Variants in ADD3 observed in about 807,000 individuals in gnomAD.
ADD3 encodes the protein adducin 3.
ADD3 carries 25 observed loss-of-function variants against 80.2 expected under a neutral mutation model. The observed-to-expected ratio is 0.31, with a 90% confidence interval of 0.23 to 0.44. The LOEUF (loss-of-function observed/expected upper bound fraction) is 0.44, where lower values mean the gene tolerates loss of function less well. Ranked by LOEUF, ADD3 falls within the 20% of genes least tolerant of loss-of-function variation. The pLI is 1.00. For missense variants in ADD3, 829 were observed against 847.5 expected (o/e 0.98, Z 0.27); for synonymous variants, 284 against 289.6 (o/e 0.98, Z 0.20).
At chr10:110,059,866 G>A (rs1858674616) in intron 1 of ADD3, among the ~76,000 whole-genome samples, 1 of 152,206 alleles carries the variant, frequency 6.6e-6, no homozygotes, top group African/African-American at 2.4e-5. Flanking sequence ...TGTTTATTCT[G>A]AAGAGTACAA....
intron 1 of ADD3, among the ~76,000 whole-genome samples, chr10:110,052,528 C>T (rs1466740061): frequency 6.6e-6 from 1 of 152,228 alleles, no homozygotes; most frequent in Non-Finnish European, 1.5e-5. Flanking sequence ...ATCAGAGCCA[C>T]AGTTCCATTG....
intron 5 of ADD3, among the ~76,000 whole-genome samples, chr10:110,118,077 G>A (rs527713746): frequency 1.5e-5 from 2 of 132,010 alleles, no homozygotes; most frequent in African/African-American, 5.5e-5. Flanking sequence ...CACACACAAT[G>A]TTCATAGCTA....
At chr10:110,127,948 G>A (rs1852387291) in intron 12 of ADD3, among the ~76,000 whole-genome samples, 1 of 151,234 alleles carries the variant, frequency 6.6e-6, no homozygotes, top group Non-Finnish European at 1.5e-5. Flanking sequence ...ATATAGAATA[G>A]TTTAGAAATA....
intron 1 of ADD3, among the ~76,000 whole-genome samples, chr10:110,040,176 A>G (rs547288631): frequency 2.0e-5 from 3 of 150,442 alleles, no homozygotes; most frequent in South Asian, 2.1e-4. Context: ...TAGGAAAGTT[A>G]TTATTATTTT....
chr10:109,998,251 G>T (rs974881522), intron 1 of ADD3, among the ~76,000 whole-genome samples: 1 of 152,114 alleles, frequency 6.6e-6, no homozygotes, highest in Admixed American at 6.5e-5. Context: ...CTCAGGTAAT[G>T]GTACTACCAT....
intron 1 of ADD3, chr10:110,079,443 AGAGAGAGAGAGAGAGAGAGT>A (rs1213570317): frequency 2.9e-4 from 37 of 129,800 alleles, no homozygotes; most frequent in African/African-American, 1.2e-3. Flanking sequence ...AGAGAGAGAG[AGAGAGAGAGAGAGAGAGAGT>A]GTGTGTGTGT....
At chr10:109,998,532 ATGCAAATGAGACTGTAGCCTTCCTT>A (rs952661385) in intron 1 of ADD3, among the ~76,000 whole-genome samples, 3 of 152,132 alleles carry the variant, frequency 2.0e-5, no homozygotes, top group African/African-American at 7.2e-5. Flanking sequence ...AATTCCAAAA[ATGCAAATGAGACTGTAGCCTTCCTT>A]TGCTTAAAAC....
intron 2 of ADD3, among the ~76,000 whole-genome samples, chr10:110,110,242 T>C (rs1199293942): frequency 2.6e-5 from 4 of 152,218 alleles, no homozygotes; most frequent in Admixed American, 6.5e-5. Context: ...TCCAGAACTT[T>C]AGTGACTTAC....
chr10:110,116,545 C>T (rs1850752268), intron 4 of ADD3, 135 bp downstream of exon 4: 2 of 844,802 alleles, frequency 2.4e-6, no homozygotes, highest in East Asian at 2.7e-5. Flanking sequence ...CAACCAAATA[C>T]TGATTTAAAC....
chr10:110,121,765 A>G (rs1293175870), intron 8 of ADD3: 1 of 167,132 alleles, frequency 6.0e-6, no homozygotes, highest in African/African-American at 2.4e-5. Context: ...CCTTAAAATT[A>G]TAGCTTTTAG....
In ADD3 at chr10:110,119,193, A is replaced by G; in HGVS notation, c.718-18A>G. On this transcript the variant is annotated intron_variant, in intron 6 of 14. Coordinates refer to ENST00000356080, the MANE Select transcript of ADD3 (RefSeq NM_016824.5). Reference sequence around the variant, plus strand: ...TAGTAACCAAATGTGTTATCTTGGTATGGGCCAAACCAAATAGGTATCCTC... The same window carrying G: ...TAGTAACCAAATGTGTTATCTTGGTGTGGGCCAAACCAAATAGGTATCCTC... 2 of 1,613,174 alleles carry G rather than the reference A, an allele frequency of 1.2e-6. No individual in the cohort carries two copies. Among genetic ancestry groups the G allele is most frequent in the South Asian group, 2.2e-5 (2 of 90,938 alleles).
intron 5 of ADD3, among the ~76,000 whole-genome samples, 190 bp downstream of exon 5, chr10:110,117,612 T>C (rs1177603675): frequency 6.6e-6 from 1 of 151,868 alleles, no homozygotes; most frequent in Non-Finnish European, 1.5e-5. Flanking sequence ...AAGAGACTAA[T>C]AAATGAGTTG....
intron 2 of ADD3, among the ~76,000 whole-genome samples, chr10:110,101,413 C>G (rs1046513209): frequency 1.3e-5 from 2 of 152,118 alleles, no homozygotes; most frequent in African/African-American, 4.8e-5. Flanking sequence ...GCAGGAGGCT[C>G]ACTTGAGCAC....
chr10:110,121,132 A>G (rs1312101489), intron 8 of ADD3, among the ~76,000 whole-genome samples: 1 of 152,062 alleles, frequency 6.6e-6, no homozygotes, highest in East Asian at 1.9e-4. Flanking sequence ...ATGGCAACAA[A>G]AGACAAAATT....
chr10:110,052,108 T>G (rs748235404), intron 1 of ADD3, among the ~76,000 whole-genome samples: 10 of 152,206 alleles, frequency 6.6e-5, no homozygotes, highest in Non-Finnish European at 1.3e-4. Context: ...CCAGTTTGGC[T>G]TTTTCTGTAC....
chr10:110,062,791 AC>A (rs1859092632), intron 1 of ADD3, among the ~76,000 whole-genome samples: 2 of 152,202 alleles, frequency 1.3e-5, no homozygotes, highest in Non-Finnish European at 2.9e-5. Context: ...ATCACACTCT[AC>A]CAGATTCTTA....
chr10:110,084,784 G>C (rs1322529332), intron 1 of ADD3, among the ~76,000 whole-genome samples: 6 of 152,118 alleles, frequency 3.9e-5, no homozygotes, highest in African/African-American at 1.4e-4. Flanking sequence ...TATTTACAAA[G>C]CAATGTTGTT....
chr10:110,098,286 C>T (rs1590109394), intron 1 of ADD3, among the ~76,000 whole-genome samples: 1 of 152,074 alleles, frequency 6.6e-6, no homozygotes, highest in Middle Eastern at 3.2e-3. Flanking sequence ...GGCTAAGGGA[C>T]TGGATAGAAA....
chr10:110,126,461 A>G lies in ADD3; in HGVS notation c.1566A>G (p.Gln522=), dbSNP rs372957023. Residue 522 remains glutamine, a synonymous_variant, in exon 12 of 15, where the codon CAA becomes CAG. Transcript: ENST00000356080. ...ATGACTTGAAAACAGCAGGACCACA[A>G]TCTCAGTTGCTTGCTGGAATTGTTG... The part of the protein sequence containing the change: ...NRYDLKTAGP[Q]SQLLAGIVVD... The G allele has an allele frequency of 3.7e-5, 60 of 1,613,682 alleles. 1 individual carries two copies. In the South Asian group the frequency reaches 4.3e-4, roughly 12 times the overall value.
Sources: allele counts gnomAD v4.1 joint callset (sites outside exome capture counted in the v4.1 genomes callset), GRCh38; gene constraint gnomAD v4.1.1; transcripts MANE v1.5; gene names NCBI Gene and HGNC (gene_info 2026-07-23, HGNC 2026-07-21).